TXNIP: variants seen among roughly 807,000 people sequenced by gnomAD.
TXNIP encodes thioredoxin-interacting protein.
TXNIP carries 23 observed loss-of-function variants against 43.9 expected under a neutral mutation model. The ratio of observed to expected loss-of-function variants is 0.52; its 90% confidence interval spans 0.38 to 0.74. The LOEUF (loss-of-function observed/expected upper bound fraction) is 0.74. Among genes scored for constraint, TXNIP ranks in the 30% least tolerant of loss-of-function variants. The pLI is 0.00. For synonymous variants in TXNIP, 234 were observed against 172.2 expected, an observed-to-expected ratio of 1.36 and a Z score of -2.81; for missense variants, 555 against 485.4, an observed-to-expected ratio of 1.14 and a Z score of -1.35.
chr1:145,995,321 G>A (rs376039731), intron 2 of TXNIP, 30 bp from the exon 3 acceptor site: 416 of 1,609,786 alleles, frequency 2.6e-4, no homozygotes, highest in Non-Finnish European at 3.2e-4. Flanking sequence ...ATTTTAAAAC[G>A]CTCTCCAAGA....
Position 145,994,340 on chromosome 1 carries a change from G to A in TXNIP, c.929C>T (p.Ala310Val). The A allele has an allele frequency of 6.2e-7, 1 of 1,614,208 alleles. No homozygotes were observed. The highest frequency in any genetic ancestry group is 8.5e-7 in the Non-Finnish European group (1 of 1,180,034). ...ACTCATCTCAGAGCTGGTTCGGCTG[G>A]CCATGCTGGATGTTCTGCTGCTTAG... ...SGLSSRTSSM[A>V]SRTSSEMSWV... The change falls in exon 6 of 8, where the codon GCC becomes GTC. Residue 310 changes from alanine (A) to valine (V), a missense_variant. By Grantham distance (64) the Ala-to-Val change is moderately conservative (BLOSUM62 0). Coordinates refer to ENST00000582401, the MANE Select transcript of TXNIP (RefSeq NM_006472.6).
At chr1:145,995,709 TCTA>T (rs782572522) in intron 1 of TXNIP, 13 of 609,474 alleles carry the variant, frequency 2.1e-5, no homozygotes, top group Non-Finnish European at 3.5e-5. Flanking sequence ...AGGACAGTTC[TCTA>T]CTAACATCTC....
intron 7 of TXNIP, 48 bp downstream of exon 7, chr1:145,993,968 T>TTA (rs1264186749): frequency 4.3e-6 from 7 of 1,613,606 alleles, no homozygotes; most frequent in Non-Finnish European, 5.9e-6. Flanking sequence ...AGTCAACTTC[T>TTA]TATAGAAAGC....
rs1651260277 is a variant in TXNIP, at chr1:145,993,227, C to G, written c.*624G>C. ...TTTAAAAGCCAGGTTAAAGTATACT[C>G]TAAGCAAAGATGACCGTAGAGCAGC... is the stretch of plus-strand genomic sequence containing the variant. On this transcript the variant is annotated 3_prime_UTR_variant, in exon 8 of 8. Transcript: ENST00000582401. 6.5e-6 allele frequency: 1 copy of G among 152,770 alleles called. No individual in the cohort carries two copies. The highest frequency in any genetic ancestry group is 1.5e-5 in the Non-Finnish European group (1 of 68,224). 9.5% of individuals were successfully genotyped at this position (152,770 alleles called of 1,614,324 possible). A position where few individuals can be genotyped will look rare whatever the true frequency, so the allele number is the denominator to read the frequency against.
intron 1 of TXNIP, 117 bp from the exon 2 acceptor site, chr1:145,995,593 C>CAT (rs1267070651): frequency 7.9e-6 from 7 of 887,358 alleles, no homozygotes; most frequent in Non-Finnish European, 1.1e-5. Context: ...AATTTCATCC[C>CAT]ATATATATAT....
chr1:145,994,115 T>C lies in TXNIP; in HGVS notation c.1041A>G (p.Pro347=). Residue 347 remains proline (P), a synonymous_variant, in exon 7 of 8, where the codon CCA becomes CCG. Transcript: ENST00000582401. Reference sequence around the variant, plus strand: ...CCATGTCATCTAGCAGAGGAGTGGTTGGGCTCTCCAATCGGTGATCTTCAG... The same window carrying C: ...CCATGTCATCTAGCAGAGGAGTGGTCGGGCTCTCCAATCGGTGATCTTCAG... ...VIPEDHRLES[P]TTPLLDDMDG... is the part of the protein sequence containing the mutation. The C allele has an allele frequency of 6.2e-7, 1 of 1,614,180 alleles. No individual in the cohort carries two copies. The highest frequency in any genetic ancestry group is 8.5e-7 in the Non-Finnish European group (1 of 1,180,028).
At chr1:145,995,860 G>T in intron 1 of TXNIP, 157 bp downstream of exon 1, 2 of 913,918 alleles carry the variant, frequency 2.2e-6, no homozygotes, top group Non-Finnish European at 3.2e-6. Flanking sequence ...TGGGGGGGGA[G>T]GAGAATGTCT....
rs782688526 is a variant in TXNIP at position 145,993,998 on chromosome 1, A to G, written c.1140+18T>C. On this transcript the variant is annotated intron_variant, in intron 7 of 7. Coordinates refer to ENST00000582401, the MANE Select transcript of TXNIP (RefSeq NM_006472.6). ...GAAAGCTTAGGACAAATTTAACAGT[A>G]AAGATGACAATCCTCACCTCAGTAT... 1.2e-6 allele frequency: 2 copies of G among 1,614,172 alleles called. No homozygotes were observed. The highest frequency in any genetic ancestry group is 4.5e-5 in the East Asian group (2 of 44,890).
rs782705390 is a variant in TXNIP at position 145,996,351 on chromosome 1, ATTAT to A, written c.-89_-86del. Reference sequence around the variant, plus strand: ...AATCGAGGAAACCCCTTTGCAAAAAATTATTTCACTTTAAGGAATTAAGGTATTC... The same window carrying A: ...AATCGAGGAAACCCCTTTGCAAAAAATTCACTTTAAGGAATTAAGGTATTC... On this transcript the variant is annotated 5_prime_UTR_variant, in exon 1 of 8. Transcript: ENST00000582401. The A allele has an allele frequency of 1.5e-4, 221 of 1,460,792 alleles. No individual in the cohort carries two copies. Among genetic ancestry groups the A allele is most frequent in the Non-Finnish European group, 2.0e-4 (210 of 1,076,012 alleles). 90.5% of individuals were successfully genotyped at this position (1,460,792 alleles called of 1,614,324 possible).
intron 3 of TXNIP, 32 bp downstream of exon 3, chr1:145,995,112 C>G: frequency 6.2e-7 from 1 of 1,613,792 alleles, no homozygotes; most frequent in Non-Finnish European, 8.5e-7. Flanking sequence ...CCTCATGACC[C>G]AGGAGAATAG....
In TXNIP at chr1:145,994,109, A is replaced by G; in HGVS notation, c.1047T>C (p.Thr349=). Reference sequence around the variant, plus strand: ...AGCCATCCATGTCATCTAGCAGAGGAGTGGTTGGGCTCTCCAATCGGTGAT... The same window carrying G: ...AGCCATCCATGTCATCTAGCAGAGGGGTGGTTGGGCTCTCCAATCGGTGAT... ...PEDHRLESPT[T]PLLDDMDGSQ... Residue 349 remains threonine, a synonymous_variant, in exon 7 of 8, where the codon ACT becomes ACC. Coordinates refer to ENST00000582401, the MANE Select transcript of TXNIP (RefSeq NM_006472.6). The G allele has an allele frequency of 1.2e-6, 2 of 1,614,164 alleles. No homozygotes were observed. The highest frequency in any genetic ancestry group is 1.7e-6 in the Non-Finnish European group (2 of 1,180,032).
Position 145,994,334 on chromosome 1 carries a change from C to T in TXNIP, c.935G>A (p.Arg312Gln), listed in dbSNP as rs150672123. Residue 312 changes from arginine to glutamine, a missense_variant, in exon 6 of 8, where the codon CGA becomes CAA. Arg to Gln is a conservative substitution (Grantham distance 43, BLOSUM62 1). Transcript: ENST00000582401. ...LSSRTSSMAS[R>Q]TSSEMSWVDL... ...TACCCAACTCATCTCAGAGCTGGTT[C>T]GGCTGGCCATGCTGGATGTTCTGCT... 634 of 1,614,052 alleles carry T rather than the reference C, an allele frequency of 3.9e-4. No individual in the cohort carries two copies. Among genetic ancestry groups the T allele is most frequent in the African/African-American group, 8.4e-4 (63 of 74,910 alleles).
Position 145,994,044 on chromosome 1 carries a change from T to G in TXNIP, c.1112A>C (p.Lys371Thr). Reference sequence around the variant, plus strand: ...AGTATAAGTCGGTGGTGGCATGAACTTGAACTCAGGGGCATACATAAAGAT... The same window carrying G: ...AGTATAAGTCGGTGGTGGCATGAACGTGAACTCAGGGGCATACATAAAGAT... ...SPIFMYAPEFKFMPPPTYTEV... is the reference protein window; with the variant it reads ...SPIFMYAPEFTFMPPPTYTEV... Residue 371 changes from lysine (K) to threonine (T), a missense_variant, in exon 7 of 8, where the codon AAG becomes ACG. Coordinates refer to ENST00000582401, the MANE Select transcript of TXNIP (RefSeq NM_006472.6). The G allele has an allele frequency of 6.2e-7, 1 of 1,614,120 alleles. No individual in the cohort carries two copies. The highest frequency in any genetic ancestry group is 1.1e-5 in the South Asian group (1 of 91,080).
In TXNIP at chr1:145,992,732, G is replaced by A. The variant is rs1651210729; in HGVS notation, c.*1119C>T. On this transcript the variant is annotated 3_prime_UTR_variant, in exon 8 of 8. Transcript: ENST00000582401. ...CAATATCCCTATCTCCTAACACAGG[G>A]CAGGAAGGGGGTTCAAAGGGCTTTT... is the stretch of plus-strand genomic sequence containing the variant. 6.5e-6 allele frequency: 1 copy of A among 152,696 alleles called. No individual in the cohort carries two copies. Among genetic ancestry groups the A allele is most frequent in the Non-Finnish European group, 1.5e-5 (1 of 68,124 alleles). 9.5% of individuals were successfully genotyped at this position (152,696 alleles called of 1,614,324 possible). A position where few individuals can be genotyped will look rare whatever the true frequency, so the allele number is the denominator to read the frequency against.
chr1:145,995,790 C>T, intron 1 of TXNIP: 1 of 633,550 alleles, frequency 1.6e-6, no homozygotes, highest in Non-Finnish European at 2.7e-6. Flanking sequence ...GAGGCAACGC[C>T]CCTCAGGATC....
At chr1:145,995,621 A>C in intron 1 of TXNIP, 145 bp from the exon 2 acceptor site, 1 of 777,064 alleles carries the variant, frequency 1.3e-6, no homozygotes. Context: ...TCCATCCCAT[A>C]TTGTTCTTAA....
intron 4 of TXNIP, 46 bp downstream of exon 4, chr1:145,994,883 C>CT (rs782652973): frequency 6.2e-7 from 1 of 1,613,994 alleles, no homozygotes; most frequent in Non-Finnish European, 8.5e-7. Flanking sequence ...GCCCTTGCCC[C>CT]TAAACCCAGT....
At chr1:145,995,961 T>C in intron 1 of TXNIP, 56 bp downstream of exon 1, 2 of 1,593,154 alleles carry the variant, frequency 1.3e-6, no homozygotes, top group Non-Finnish European at 1.7e-6. Context: ...GTTTTGTGTA[T>C]TCAATTCTCT....
chr1:145,996,098 T>C lies in TXNIP; in HGVS notation c.169A>G (p.Met57Val), dbSNP rs202190036. The C allele has an allele frequency of 5.0e-6, 8 of 1,614,042 alleles. No individual in the cohort carries two copies. The highest frequency in any genetic ancestry group is 4.5e-5 in the East Asian group (2 of 44,868). The change falls in exon 1 of 8, where the codon ATG becomes GTG. Residue 57 changes from methionine to valine, a missense_variant. Met to Val is a conservative substitution (Grantham distance 21, BLOSUM62 1). Coordinates refer to ENST00000582401, the MANE Select transcript of TXNIP (RefSeq NM_006472.6). ...LACGVAKVLW[M>V]QGSQQCKQTS... The stretch of plus-strand genomic sequence containing the variant: ...TGTTTGCACTGCTGGGATCCCTGCA[T>C]CCAAAGCACTTTAGCCACTCCGCAA...
Sources: allele counts gnomAD v4.1 joint callset, GRCh38; gene constraint gnomAD v4.1.1; transcripts MANE v1.5; gene names NCBI Gene and HGNC (gene_info 2026-07-23, HGNC 2026-07-21).